Variants in PCDHA6 observed in about 807,000 individuals in gnomAD.
The protein encoded by PCDHA6 is protocadherin alpha 6, also known as protocadherin alpha-6.
PCDHA6 carries 55 observed loss-of-function variants against 60.3 expected under a neutral mutation model. The observed-to-expected ratio is 0.91, with a 90% CI of 0.73 to 1.14. The LOEUF (loss-of-function observed/expected upper bound fraction) is 1.14, where lower values mean the gene tolerates loss of function less well. Among genes scored for constraint, PCDHA6 ranks in the 50% most tolerant of loss-of-function variants. PCDHA6 has a pLI of 0.00. For missense variants in PCDHA6, 1,327 were observed against 1,256.5 expected, an observed-to-expected ratio of 1.06 and a Z score of -0.85; for synonymous variants, 652 against 557.9, an observed-to-expected ratio of 1.17 and a Z score of -2.38.
In PCDHA6 at chr5:140,967,305, A is replaced by G. The variant is rs782005994; in HGVS notation, c.2395-11644A>G. On this transcript the variant is annotated intron_variant, in intron 1 of 3. Transcript: ENST00000529310. ...GCGCAGGACCCCGACGTGGGCGCCA[A>G]CTCAGTACAGACCTACGAGCTCAGC... The G allele has an allele frequency of 5.7e-5, 92 of 1,612,346 alleles. 1 individual carries two copies. The South Asian group carries it at 9.7e-4, about 17-fold the overall frequency.
At chr5:140,915,557 T>G (rs909593732) in intron 1 of PCDHA6, among the ~76,000 whole-genome samples, 1 of 152,102 alleles carries the variant, frequency 6.6e-6, no homozygotes, top group African/African-American at 2.4e-5. Flanking sequence ...AGATCCAGAA[T>G]GATTATCTGG....
In PCDHA6 at chr5:140,849,948, C is replaced by T. The variant is rs2150459540; in HGVS notation, c.2394+19463C>T. ...GGTGTCTGCGCGGGACGCTGACGCG[C>T]AGGAGAACGCCCTGGTGTCCTACTC... On this transcript the variant is annotated intron_variant, in intron 1 of 3. Coordinates refer to ENST00000529310, the MANE Select transcript of PCDHA6 (RefSeq NM_018909.4). 4 of 1,597,728 alleles carry T rather than the reference C, an allele frequency of 2.5e-6. 1 individual carries two copies. The East Asian group carries it at 8.9e-5, about 36-fold the overall frequency.
chr5:140,968,118 C>T (rs141928119), intron 1 of PCDHA6: 717 of 1,614,170 alleles, frequency 4.4e-4, no homozygotes, highest in Middle Eastern at 2.3e-3. Context: ...CAGCTCACAT[C>T]CCTGCGTACA....
intron 3 of PCDHA6, among the ~76,000 whole-genome samples, chr5:140,984,328 G>A (rs1221209076): frequency 3.3e-5 from 5 of 152,156 alleles, no homozygotes; most frequent in African/African-American, 1.2e-4. Context: ...GGCAAATGTG[G>A]AATAGGAACC....
chr5:140,921,732 A>G lies in PCDHA6; in HGVS notation c.2395-57217A>G, dbSNP rs1345229893. 2.0e-5 allele frequency among the ~76,000 whole-genome samples: 3 copies of G among 152,206 alleles called. No individual in the cohort carries two copies. In the East Asian group the frequency reaches 5.8e-4, roughly 29 times the overall value. ...AAACACACGAATTACTCCCATAAAA[A>G]TTATAAGCATAACAGGACACTTCTT... is the stretch of plus-strand genomic sequence containing the variant. On this transcript the variant is annotated intron_variant, in intron 1 of 3. Coordinates refer to ENST00000529310, the MANE Select transcript of PCDHA6 (RefSeq NM_018909.4).
At chr5:140,875,028 G>A (rs1321534427) in intron 1 of PCDHA6, among the ~76,000 whole-genome samples, 1 of 152,198 alleles carries the variant, frequency 6.6e-6, no homozygotes, top group Admixed American at 6.5e-5. Flanking sequence ...CTGGCCTACT[G>A]TATTTGAAAG....
chr5:140,898,560 G>T lies in PCDHA6; in HGVS notation c.2394+68075G>T, dbSNP rs185604146. On this transcript the variant is annotated intron_variant, in intron 1 of 3. Coordinates refer to ENST00000529310, the MANE Select transcript of PCDHA6 (RefSeq NM_018909.4). ...TTCCATTTATCTATGTCTCTGTTTT[G>T]GTACCAGTGCCATGCTGTTTTGGTT... Among the ~76,000 whole-genome samples the T allele has an allele frequency of 5.1e-3, 775 of 152,210 alleles. 4 individuals carry two copies. The highest frequency in any genetic ancestry group is 8.5e-3 in the Non-Finnish European group (578 of 68,016).
intron 1 of PCDHA6, chr5:140,854,630 AG>A (rs1201731604): frequency 6.7e-6 from 1 of 150,240 alleles, no homozygotes; most frequent in African/African-American, 2.4e-5. Flanking sequence ...TCTTTAGAAA[AG>A]TCAAAACATC....
chr5:140,857,010 T>C (rs782647115), intron 1 of PCDHA6: 1 of 1,595,968 alleles, frequency 6.3e-7, no homozygotes, highest in South Asian at 1.1e-5. Context: ...CATGTAGATG[T>C]TACAGATAAG....
Position 141,009,859 on chromosome 5 carries a change from G to A in PCDHA6, c.2775G>A (p.Lys925=). The A allele has an allele frequency of 1.2e-6, 2 of 1,613,884 alleles. No homozygotes were observed. Among genetic ancestry groups the A allele is most frequent in the Non-Finnish European group, 1.7e-6 (2 of 1,179,960 alleles). The part of the protein sequence containing the change: ...TFGKKEETKK[K]KKKKKGNKTQ... ...GCAAAAAGGAGGAGACCAAGAAAAA[G>A]AAGAAAAAGAAGAAGGGTAACAAGA... The change falls in exon 4 of 4, where the codon AAG becomes AAA. Residue 925 remains lysine (K), a synonymous_variant. Transcript: ENST00000529310.
At chr5:140,887,125 C>G (rs1391575318) in intron 1 of PCDHA6, among the ~76,000 whole-genome samples, 3 of 150,080 alleles carry the variant, frequency 2.0e-5, no homozygotes. Context: ...GAGACGGAGT[C>G]TCACTCTGTC....
At position 140,828,819 on chromosome 5, in the gene PCDHA6, A is replaced by G. The variant is rs140245330; in HGVS notation, c.728A>G (p.Glu243Gly). Residue 243 changes from glutamate (E) to glycine (G), a missense_variant, in exon 1 of 4, where the codon GAA (glutamate) becomes GGA (glycine). Glu to Gly is a moderately conservative substitution (Grantham distance 98). Coordinates refer to ENST00000529310, the MANE Select transcript of PCDHA6 (RefSeq NM_018909.4). The part of the protein sequence containing the change: ...LDVNDNAPTF[E>G]QSEYEVRIFE... Reference sequence around the variant, plus strand: ...GTGAATGATAATGCTCCCACTTTCGAACAGTCTGAATACGAAGTAAGAATA... The same window carrying G: ...GTGAATGATAATGCTCCCACTTTCGGACAGTCTGAATACGAAGTAAGAATA... 13 of 1,614,106 alleles carry G rather than the reference A, an allele frequency of 8.1e-6. No homozygotes were observed. Among genetic ancestry groups the G allele is most frequent in the Non-Finnish European group, 1.1e-5 (13 of 1,180,052 alleles).
intron 1 of PCDHA6, among the ~76,000 whole-genome samples, chr5:140,954,988 A>G (rs554115730): frequency 2.0e-5 from 3 of 152,204 alleles, no homozygotes; most frequent in Admixed American, 6.5e-5. Context: ...AATTTTCTGC[A>G]TATGGCTAGC....
intron 1 of PCDHA6, chr5:140,876,644 C>G: frequency 2.5e-6 from 4 of 1,614,200 alleles, no homozygotes; most frequent in Non-Finnish European, 3.4e-6. Context: ...TCACTGACAC[C>G]TCATGTTCCC....
At chr5:140,877,947 G>A (rs1266600808) in intron 1 of PCDHA6, 2 of 1,351,230 alleles carry the variant, frequency 1.5e-6, no homozygotes, top group African/African-American at 1.5e-5. Context: ...TTAAACTATC[G>A]AATGTCTCAT....
At chr5:140,921,080 A>G (rs1329038497) in intron 1 of PCDHA6, among the ~76,000 whole-genome samples, 1 of 152,008 alleles carries the variant, frequency 6.6e-6, no homozygotes. Context: ...CTTGGGCTCA[A>G]GAGAATCCTC....
intron 1 of PCDHA6, chr5:140,850,741 C>G: frequency 6.3e-7 from 1 of 1,597,822 alleles, no homozygotes. Flanking sequence ...GGGAGTTGGT[C>G]GTACTCGCAG....
At chr5:140,862,382 G>A (rs1213049114) in intron 1 of PCDHA6, 1 of 345,048 alleles carries the variant, frequency 2.9e-6, no homozygotes, top group East Asian at 7.5e-5. Context: ...GACTCCTCAC[G>A]TCTCTTCAAG....
At position 140,856,860 on chromosome 5, in the gene PCDHA6, G is replaced by A; in HGVS notation, c.2394+26375G>A. 1.3e-6 allele frequency: 2 copies of A among 1,594,690 alleles called. 1 individual carries two copies. On this transcript the variant is annotated intron_variant, in intron 1 of 3. Transcript: ENST00000529310. ...CTCAACGCTTCTGATTCGGATGAAGGAATAAACAAGGAAATGATGTATTCA... is the reference window on the plus strand; with the variant it reads ...CTCAACGCTTCTGATTCGGATGAAGAAATAAACAAGGAAATGATGTATTCA...
Sources: allele counts gnomAD v4.1 joint callset (sites outside exome capture counted in the v4.1 genomes callset), GRCh38; gene constraint gnomAD v4.1.1; transcripts MANE v1.5; gene names NCBI Gene and HGNC (gene_info 2026-07-23, HGNC 2026-07-21).